Variants in CCDC39 observed in about 807,000 individuals in gnomAD.
The protein encoded by CCDC39 is coiled-coil domain-containing protein 39.
Under a neutral mutation model 121.0 loss-of-function variants are expected in CCDC39, and 113 were observed. The ratio of observed to expected loss-of-function variants is 0.93; its 90% confidence interval spans 0.80 to 1.09. The LOEUF (loss-of-function observed/expected upper bound fraction) is 1.09, where lower values mean the gene tolerates loss of function less well. CCDC39 is among the 50% of genes least tolerant of loss of function. The probability of loss-of-function intolerance (pLI) is 0.00; values close to 1 mark genes in which losing one functional copy is unlikely to be tolerated. For missense variants in CCDC39, 1,063 were observed against 1,074.7 expected (o/e 0.99, Z 0.15); for synonymous variants, 349 against 352.2 (o/e 0.99, Z 0.10).
chr3:180,667,691 A>T (rs1304634046), intron 1 of CCDC39, among the ~76,000 whole-genome samples: 2 of 152,240 alleles, frequency 1.3e-5, no homozygotes, highest in South Asian at 2.1e-4. Flanking sequence ...CTTGAAACAC[A>T]ATATTGAAAT....
intron 1 of CCDC39, among the ~76,000 whole-genome samples, chr3:180,672,104 C>T (rs955680651): frequency 2.6e-5 from 4 of 152,218 alleles, no homozygotes; most frequent in South Asian, 2.1e-4. Context: ...CTAATGCAGC[C>T]GGTGACTTTA....
At chr3:180,636,061 C>T (rs190670335) in intron 13 of CCDC39, among the ~76,000 whole-genome samples, 103 of 152,304 alleles carry the variant, frequency 6.8e-4, no homozygotes, top group Non-Finnish European at 1.9e-4. Context: ...AGGATGCCCT[C>T]TCTCGTCACT....
At position 180,648,146 on chromosome 3, in the gene CCDC39, T is replaced by G. The variant is rs757420910; in HGVS notation, c.1362+19A>C. ...TGTAATAAATCAATATGGAAGATATTCATAAAAGTAACATCTACCTGGCTG... is the reference window on the plus strand; with the variant it reads ...TGTAATAAATCAATATGGAAGATATGCATAAAAGTAACATCTACCTGGCTG... On this transcript the variant is annotated intron_variant, in intron 10 of 19. Transcript: ENST00000476379. The G allele has an allele frequency of 1.3e-6, 2 of 1,582,600 alleles. No homozygotes were observed. Among genetic ancestry groups the G allele is most frequent in the East Asian group, 4.5e-5 (2 of 44,654 alleles).
intron 1 of CCDC39, among the ~76,000 whole-genome samples, chr3:180,667,123 T>C (rs1305635751): frequency 2.6e-5 from 4 of 152,088 alleles, no homozygotes; most frequent in South Asian, 2.1e-4. Flanking sequence ...TGGAAGATAA[T>C]TGATACATTC....
intron 1 of CCDC39, among the ~76,000 whole-genome samples, chr3:180,671,497 T>C (rs527422986): frequency 1.1e-3 from 167 of 152,284 alleles, no homozygotes; most frequent in African/African-American, 3.9e-3. Flanking sequence ...AATTATTTCC[T>C]GTGTGGAGCC....
chr3:180,674,676 T>G (rs1364932720), intron 1 of CCDC39, among the ~76,000 whole-genome samples: 8 of 152,200 alleles, frequency 5.3e-5, no homozygotes, highest in Non-Finnish European at 1.5e-5. Context: ...TTATTGAGAA[T>G]TTTTAGCATG....
rs564334837 is a variant in CCDC39, at chr3:180,643,391, G to A, written c.1665+729C>T. On this transcript the variant is annotated intron_variant, in intron 12 of 19. Coordinates refer to ENST00000476379, the MANE Select transcript of CCDC39 (RefSeq NM_181426.2). Reference sequence around the variant, plus strand: ...AAAATATGGAACATGACATAACAGAGAAAAGTGTTTTAAACATTTTTATTT... The same window carrying A: ...AAAATATGGAACATGACATAACAGAAAAAAGTGTTTTAAACATTTTTATTT... Among the ~76,000 whole-genome samples the A allele has an allele frequency of 3.3e-5, 5 of 152,126 alleles. No homozygotes were observed. In the South Asian group the frequency reaches 8.3e-4, roughly 25 times the overall value.
intron 6 of CCDC39, among the ~76,000 whole-genome samples, chr3:180,659,144 C>A (rs747270959): frequency 1.3e-5 from 2 of 152,096 alleles, no homozygotes; most frequent in African/African-American, 4.8e-5. Context: ...ATCCAAGGGA[C>A]CTTGGACAGC....
chr3:180,674,662 T>G (rs545045591), intron 1 of CCDC39, among the ~76,000 whole-genome samples: 2 of 152,326 alleles, frequency 1.3e-5, no homozygotes, highest in African/African-American at 4.8e-5. Flanking sequence ...CATCAATACC[T>G]AATTTATTGA....
chr3:180,664,355 T>C (rs781049887), intron 1 of CCDC39, among the ~76,000 whole-genome samples: 1 of 152,204 alleles, frequency 6.6e-6, no homozygotes, highest in African/African-American at 2.4e-5. Context: ...TCTACCTCTA[T>C]GACCTGTTTA....
chr3:180,620,716 GATGT>G (rs1439590209), intron 14 of CCDC39, among the ~76,000 whole-genome samples: 1 of 151,928 alleles, frequency 6.6e-6, no homozygotes, highest in Non-Finnish European at 1.5e-5. Flanking sequence ...TCAGTTCTTA[GATGT>G]ATGTATTTAA....
chr3:180,631,716 G>T lies in CCDC39; in HGVS notation c.1875-124C>A, dbSNP rs1717702644. 10 of 762,320 alleles carry T rather than the reference G, an allele frequency of 1.3e-5. No individual in the cohort carries two copies. In the South Asian group the frequency reaches 1.6e-4, roughly 12 times the overall value. The allele number at this position is 762,320 out of a possible 1,614,324, so 47.2% of individuals were successfully genotyped here. Reference sequence around the variant, plus strand: ...TACTAAACTCAAACAGGTTAAATTTGTTCTCACGTTTTAATTTAATAAAAA... The same window carrying T: ...TACTAAACTCAAACAGGTTAAATTTTTTCTCACGTTTTAATTTAATAAAAA... On this transcript the variant is annotated intron_variant, in intron 13 of 19. Transcript: ENST00000476379.
At chr3:180,651,370 G>T in intron 9 of CCDC39, 31 bp downstream of exon 9, 2 of 1,526,686 alleles carry the variant, frequency 1.3e-6, no homozygotes, top group Non-Finnish European at 8.9e-7. Flanking sequence ...AATTTTCTGT[G>T]ATTTAAAGAA....
intron 13 of CCDC39, 93 bp from the exon 14 acceptor site, chr3:180,631,685 T>A: frequency 9.5e-7 from 1 of 1,049,026 alleles, no homozygotes. Flanking sequence ...TTTGGATTTG[T>A]GTTACTACTA....
chr3:180,632,992 T>C (rs1188781136), intron 13 of CCDC39, among the ~76,000 whole-genome samples: 2 of 152,128 alleles, frequency 1.3e-5, no homozygotes, highest in African/African-American at 4.8e-5. Flanking sequence ...AACATGACAG[T>C]GGAAGTAAAT....
At position 180,625,348 on chromosome 3, in the gene CCDC39, C is replaced by CT. The variant is rs1177536800; in HGVS notation, c.1999-5379dup. Among the ~76,000 whole-genome samples the CT allele has an allele frequency of 4.3e-3, 520 of 122,306 alleles. 1 individual carries two copies. The highest frequency in any genetic ancestry group is 0.023 in the Middle Eastern group (5 of 220). The allele number at this position is 122,306 out of a possible 152,430, so 80.2% of individuals were successfully genotyped here. ...TCTTTTGCTTGTGTAGTCTATTTTT[C>CT]TTTTTTTTTTTTTTTAAGATATCTC... On this transcript the variant is annotated intron_variant, in intron 14 of 19. Coordinates refer to ENST00000476379, the MANE Select transcript of CCDC39 (RefSeq NM_181426.2).
chr3:180,663,691 C>T (rs886410350), intron 2 of CCDC39, among the ~76,000 whole-genome samples, 176 bp downstream of exon 2: 1 of 151,508 alleles, frequency 6.6e-6, no homozygotes, highest in Non-Finnish European at 1.5e-5. Context: ...AAAAATTGGA[C>T]CAGTAGTTAG....
intron 1 of CCDC39, among the ~76,000 whole-genome samples, chr3:180,665,726 T>C (rs936348689): frequency 6.6e-6 from 1 of 151,920 alleles, no homozygotes; most frequent in Non-Finnish European, 1.5e-5. Context: ...TCTTTATTGT[T>C]TTCTAAAAGG....
At chr3:180,674,943 T>C (rs893473129) in intron 1 of CCDC39, among the ~76,000 whole-genome samples, 10 of 152,166 alleles carry the variant, frequency 6.6e-5, no homozygotes, top group Non-Finnish European at 1.3e-4. Context: ...AAAATTCTCT[T>C]TTTTTGTTGT....
Sources: gnomAD v4.1 joint callset for allele counts (sites outside exome capture counted in the v4.1 genomes callset) on GRCh38, gnomAD v4.1.1 for gene constraint, MANE v1.5 for transcripts, NCBI Gene and HGNC (gene_info 2026-07-23, HGNC 2026-07-21) for gene names.